Variants in SLC35F3 observed in about 807,000 individuals in gnomAD.
SLC35F3 encodes putative thiamine transporter SLC35F3.
SLC35F3 carries 25 observed loss-of-function variants against 49.9 expected under a neutral mutation model. The observed-to-expected ratio is 0.50, with a 90% CI of 0.37 to 0.70. SLC35F3 has a LOEUF of 0.70. Among genes scored for constraint, SLC35F3 ranks in the 30% least tolerant of loss-of-function variants. SLC35F3 has a pLI of 0.00. For synonymous variants in SLC35F3, 275 were observed against 265.4 expected (o/e 1.04, Z -0.35); for missense variants, 525 against 639.8 (o/e 0.82, Z 1.94).
chr1:234,175,590 G>T (rs1666463782), intron 2 of SLC35F3, among the ~76,000 whole-genome samples: 1 of 148,588 alleles, frequency 6.7e-6, no homozygotes, highest in Non-Finnish European at 1.5e-5. Context: ...TTGGGCTCAG[G>T]AGTTCAAGGT....
chr1:234,082,060 T>C (rs1307657017), intron 2 of SLC35F3, among the ~76,000 whole-genome samples: 1 of 151,666 alleles, frequency 6.6e-6, no homozygotes, highest in Non-Finnish European at 1.5e-5. Context: ...CAGCCCAAAT[T>C]GGCATCTTTT....
At chr1:234,192,283 A>C (rs1047554644) in intron 2 of SLC35F3, among the ~76,000 whole-genome samples, 3 of 152,226 alleles carry the variant, frequency 2.0e-5, no homozygotes, top group African/African-American at 7.2e-5. Context: ...CCAGGGATGC[A>C]GGGATGGTTT....
intron 2 of SLC35F3, among the ~76,000 whole-genome samples, chr1:233,939,305 A>G (rs1055273863): frequency 6.6e-6 from 1 of 152,082 alleles, no homozygotes; most frequent in African/African-American, 2.4e-5. Flanking sequence ...AATTTAAAAA[A>G]TTGGTTGGGT....
intron 3 of SLC35F3, among the ~76,000 whole-genome samples, chr1:234,238,987 G>A (rs1001675028): frequency 3.3e-5 from 5 of 152,142 alleles, no homozygotes; most frequent in African/African-American, 4.8e-5. Context: ...CAGTGCCAAC[G>A]CTCATGTTTG....
intron 2 of SLC35F3, among the ~76,000 whole-genome samples, chr1:234,103,247 C>T (rs1423721844): frequency 6.6e-6 from 1 of 152,124 alleles, no homozygotes; most frequent in South Asian, 2.1e-4. Flanking sequence ...TGGTACCCAC[C>T]CCCACCCTCT....
intron 2 of SLC35F3, among the ~76,000 whole-genome samples, chr1:233,951,188 C>G (rs764589163): frequency 6.6e-6 from 1 of 151,246 alleles, no homozygotes; most frequent in Non-Finnish European, 1.5e-5. Flanking sequence ...ATGTTTTGTT[C>G]CATGATGGAC....
At chr1:234,149,569 T>G (rs1666042173) in intron 2 of SLC35F3, among the ~76,000 whole-genome samples, 1 of 152,226 alleles carries the variant, frequency 6.6e-6, no homozygotes, top group Non-Finnish European at 1.5e-5. Flanking sequence ...TCATCCCTGA[T>G]GGCTTCCTCC....
At chr1:233,988,265 C>T (rs1214532332) in intron 2 of SLC35F3, among the ~76,000 whole-genome samples, 1 of 152,182 alleles carries the variant, frequency 6.6e-6, no homozygotes, top group Non-Finnish European at 1.5e-5. Context: ...AAGCAATCAT[C>T]CAGGCTCTTG....
intron 2 of SLC35F3, among the ~76,000 whole-genome samples, chr1:234,207,385 T>G (rs865827677): frequency 1.3e-3 from 45 of 34,398 alleles, no homozygotes; most frequent in Middle Eastern, 0.016. Context: ...CTTTTTTCCT[T>G]CCATCCTTCC....
chr1:234,176,336 A>G (rs886576522), intron 2 of SLC35F3, among the ~76,000 whole-genome samples: 1 of 152,204 alleles, frequency 6.6e-6, no homozygotes, highest in Non-Finnish European at 1.5e-5. Context: ...GCTCAAAGAG[A>G]AAGCTGCTCC....
intron 2 of SLC35F3, among the ~76,000 whole-genome samples, chr1:234,201,311 A>T: frequency 6.6e-6 from 1 of 152,200 alleles, no homozygotes; most frequent in East Asian, 1.9e-4. Flanking sequence ...AGTGAAAGTG[A>T]TTTTTGATTC....
chr1:234,167,120 A>G (rs1666333108), intron 2 of SLC35F3, among the ~76,000 whole-genome samples: 1 of 152,164 alleles, frequency 6.6e-6, no homozygotes, highest in African/African-American at 2.4e-5. Context: ...ACTATCTACC[A>G]TTGCCTTCTT....
chr1:234,233,288 T>G (rs1330489890), intron 3 of SLC35F3, among the ~76,000 whole-genome samples: 2 of 152,264 alleles, frequency 1.3e-5, no homozygotes, highest in Non-Finnish European at 2.9e-5. Flanking sequence ...CGGTAACCCT[T>G]CATTAAAACT....
At chr1:234,036,975 A>G (rs1664152206) in intron 2 of SLC35F3, among the ~76,000 whole-genome samples, 1 of 152,372 alleles carries the variant, frequency 6.6e-6, no homozygotes, top group Middle Eastern at 3.4e-3. Flanking sequence ...CACAATCTAT[A>G]GAAAATGGTT....
At chr1:234,103,346 C>G (rs1267207423) in intron 2 of SLC35F3, among the ~76,000 whole-genome samples, 2 of 152,060 alleles carry the variant, frequency 1.3e-5, no homozygotes, top group Non-Finnish European at 2.9e-5. Flanking sequence ...TCAATCACAA[C>G]TACATCTGGC....
At chr1:234,092,111 T>A (rs1665051285) in intron 2 of SLC35F3, among the ~76,000 whole-genome samples, 1 of 152,216 alleles carries the variant, frequency 6.6e-6, no homozygotes. Flanking sequence ...GAGAACTTGG[T>A]GCCTACTGTG....
At chr1:234,113,468 A>G (rs1364186057) in intron 2 of SLC35F3, among the ~76,000 whole-genome samples, 1 of 152,258 alleles carries the variant, frequency 6.6e-6, no homozygotes. Context: ...TAATGTTGGA[A>G]GGTATAATTG....
At chr1:234,202,484 AC>A (rs1558258777) in intron 2 of SLC35F3, among the ~76,000 whole-genome samples, 1 of 152,224 alleles carries the variant, frequency 6.6e-6, no homozygotes, top group Non-Finnish European at 1.5e-5. Context: ...GAAACTACAA[AC>A]CCATTTGTAA....
chr1:233,948,298 G>A (rs1439731680), intron 2 of SLC35F3, among the ~76,000 whole-genome samples: 2 of 150,890 alleles, frequency 1.3e-5, no homozygotes, highest in African/African-American at 4.9e-5. Flanking sequence ...TCAAGGCTGA[G>A]AGCCAAAAAA....
Sources: allele counts gnomAD v4.1 joint callset (sites outside exome capture counted in the v4.1 genomes callset), GRCh38; gene constraint gnomAD v4.1.1; transcripts MANE v1.5; gene names NCBI Gene and HGNC (gene_info 2026-07-23, HGNC 2026-07-21).